HSPA9: variants seen among roughly 807,000 people sequenced by gnomAD.
HSPA9 encodes heat shock protein family A (Hsp70) member 9, also known as stress-70 protein, mitochondrial.
HSPA9 carries 28 observed loss-of-function variants against 81.5 expected under a neutral mutation model. The ratio of observed to expected loss-of-function variants is 0.34; its 90% CI spans 0.25 to 0.47. HSPA9 has a LOEUF of 0.47. HSPA9 is among the 20% of genes least tolerant of loss of function. HSPA9 has a pLI of 1.00. For synonymous variants in HSPA9, 293 were observed against 290.4 expected, an observed-to-expected ratio of 1.01 and a Z score of -0.09; for missense variants, 678 against 838.0, an observed-to-expected ratio of 0.81 and a Z score of 2.36.
chr5:138,557,084 T>C, intron 14 of HSPA9: 4 of 616,162 alleles, frequency 6.5e-6, no homozygotes, highest in Non-Finnish European at 1.1e-5. Flanking sequence ...ACAGAAGAAA[T>C]AATAAAGGCA....
intron 14 of HSPA9, 141 bp from the exon 15 acceptor site, chr5:138,557,007 AG>A (rs1750542209): frequency 1.4e-6 from 1 of 718,086 alleles, no homozygotes; most frequent in South Asian, 1.5e-5. Context: ...GTGGCATGAA[AG>A]AGTCTGGGAT....
In HSPA9 at chr5:138,574,970, A is replaced by G. The variant is rs2127164187; in HGVS notation, c.81+268T>C. 3 of 570,486 alleles carry G rather than the reference A, an allele frequency of 5.3e-6. No individual in the cohort carries two copies. In the East Asian group the frequency reaches 8.8e-5, roughly 17 times the overall value. The allele number at this position is 570,486 out of a possible 1,614,324, so 35.3% of individuals were successfully genotyped here. ...AGGCCAAACCTTTCCATTCAGCCAC[A>G]GAACAGGCCATGAGGACCACTACCT... is the stretch of plus-strand genomic sequence containing the variant. On this transcript the variant is annotated intron_variant, in intron 1 of 16. Transcript: ENST00000297185.
chr5:138,557,119 G>A (rs546371390), intron 14 of HSPA9: 12 of 600,992 alleles, frequency 2.0e-5, no homozygotes, highest in South Asian at 4.0e-5. Context: ...TATAAACAAC[G>A]GGGAAGGAAG....
intron 3 of HSPA9, 152 bp downstream of exon 3, chr5:138,573,611 C>A: frequency 1.6e-6 from 1 of 608,764 alleles, no homozygotes; most frequent in Non-Finnish European, 2.9e-6. Context: ...CGTGCCACTG[C>A]ACTCCACCAT....
intron 14 of HSPA9, 140 bp from the exon 15 acceptor site, chr5:138,557,006 AAG>A (rs1750542162): frequency 2.8e-6 from 2 of 722,842 alleles, no homozygotes; most frequent in South Asian, 1.5e-5. Flanking sequence ...AGTGGCATGA[AAG>A]AGTCTGGGAT....
chr5:138,560,912 T>C, intron 10 of HSPA9: 1 of 404,096 alleles, frequency 2.5e-6, no homozygotes, highest in South Asian at 1.8e-5. Context: ...AGGTTCATTT[T>C]TTTTTTTTTT....
chr5:138,569,386 T>C (rs1442125012), intron 4 of HSPA9, among the ~76,000 whole-genome samples: 1 of 152,210 alleles, frequency 6.6e-6, no homozygotes, highest in African/African-American at 2.4e-5. Context: ...GCAATTCTAC[T>C]CTCTAAGACA....
At position 138,556,938 on chromosome 5, in the gene HSPA9, A is replaced by G; in HGVS notation, c.1729-72T>C. The G allele has an allele frequency of 5.0e-6, 5 of 1,000,610 alleles. No homozygotes were observed. The East Asian group carries it at 1.2e-4, about 24-fold the overall frequency. The allele number at this position is 1,000,610 out of a possible 1,614,324, so 62.0% of individuals were successfully genotyped here. On this transcript the variant is annotated intron_variant, in intron 14 of 16. Coordinates refer to ENST00000297185, the MANE Select transcript of HSPA9 (RefSeq NM_004134.7). ...GTTTGCTGAATGTCTATACTCAGAC[A>G]ATAAGCTATGTGTTACATACAGTTA...
At chr5:138,573,974 AAAT>A in intron 2 of HSPA9, 91 bp downstream of exon 2, 1 of 1,244,812 alleles carries the variant, frequency 8.0e-7, no homozygotes, top group Non-Finnish European at 1.2e-6. Flanking sequence ...AAATACAGAT[AAAT>A]AATTACAGAG....
intron 9 of HSPA9, among the ~76,000 whole-genome samples, chr5:138,565,382 A>G (rs1025619118): frequency 2.0e-5 from 3 of 152,204 alleles, no homozygotes; most frequent in African/African-American, 7.2e-5. Flanking sequence ...ACTTAAAAAA[A>G]AAAATCCAGG....
At chr5:138,568,318 A>T (rs1750809721) in intron 5 of HSPA9, among the ~76,000 whole-genome samples, 1 of 151,856 alleles carries the variant, frequency 6.6e-6, no homozygotes, top group African/African-American at 2.4e-5. Context: ...GACCAACATG[A>T]AGAAACCCCC....
At chr5:138,574,415 G>C (rs555291755) in intron 1 of HSPA9, among the ~76,000 whole-genome samples, 8 of 152,290 alleles carry the variant, frequency 5.3e-5, no homozygotes, top group Admixed American at 5.2e-4. Flanking sequence ...CGACACCCTA[G>C]AAACCAATAA....
intron 11 of HSPA9, 61 bp downstream of exon 11, chr5:138,559,803 C>G (rs1452270454): frequency 9.0e-7 from 1 of 1,107,240 alleles, no homozygotes. Context: ...AAAGTGGCTG[C>G]AATTACATCC....
intron 5 of HSPA9, 36 bp from the exon 6 acceptor site, chr5:138,567,758 C>T (rs1211449335): frequency 6.8e-7 from 1 of 1,473,180 alleles, no homozygotes; most frequent in Admixed American, 1.7e-5. Flanking sequence ...GGAATTCTGT[C>T]AGAACAGAAT....
chr5:138,575,246 G>T lies in HSPA9; in HGVS notation c.73C>A (p.Arg25Ser). 2 of 1,602,830 alleles carry T rather than the reference G, an allele frequency of 1.2e-6. No homozygotes were observed. Among genetic ancestry groups the T allele is most frequent in the Non-Finnish European group, 1.7e-6 (2 of 1,175,664 alleles). The change falls in exon 1 of 17, where the codon CGC becomes AGC. Residue 25 changes from arginine (R) to serine (S), a missense_variant. This residue lies in a region of HSPA9 where 89 missense variants were observed against 70.4 expected (regional missense o/e 1.27). Transcript: ENST00000297185. ...AAASRGPTAA[R>S]HQDSWNGLSH... ...AGGTCCCAGTTCCTCACCTGGTGGC[G>T]GGCGGCCGTAGGGCCCCGGGAGGCT...
rs766173027 is a variant in HSPA9 at position 138,566,618 on chromosome 5, T to C, written c.972+8A>G. On this transcript the variant is annotated splice_region_variant and intron_variant, in intron 9 of 16. Coordinates refer to ENST00000297185, the MANE Select transcript of HSPA9 (RefSeq NM_004134.7). ...CCATCAAGACTGCTCGAATTTTCCG[T>C]GTCTCACCTGCACAGATGAGGAGAG... 3 of 1,593,796 alleles carry C rather than the reference T, an allele frequency of 1.9e-6. No homozygotes were observed. The highest frequency in any genetic ancestry group is 1.7e-6 in the Non-Finnish European group (2 of 1,161,792).
At chr5:138,571,261 A>G in intron 3 of HSPA9, 120 bp from the exon 4 acceptor site, 1 of 955,750 alleles carries the variant, frequency 1.0e-6, no homozygotes, top group South Asian at 1.4e-5. Context: ...GCTCACTGCA[A>G]CCTCCGCATC....
intron 5 of HSPA9, among the ~76,000 whole-genome samples, chr5:138,568,055 C>T (rs1250060313): frequency 6.6e-6 from 1 of 152,146 alleles, no homozygotes; most frequent in African/African-American, 2.4e-5. Context: ...CATGGTGGCG[C>T]ATGCCTGTCA....
At chr5:138,564,891 AG>A (rs753229806) in intron 9 of HSPA9, among the ~76,000 whole-genome samples, 4 of 152,328 alleles carry the variant, frequency 2.6e-5, no homozygotes, top group Non-Finnish European at 5.9e-5. Context: ...AAGCAATACA[AG>A]GGGGACTTGA....
Sources: gnomAD v4.1 joint callset for allele counts (sites outside exome capture counted in the v4.1 genomes callset) on GRCh38, gnomAD v4.1.1 for gene constraint, gnomAD v4.1.1 regional missense constraint, MANE v1.5 for transcripts, NCBI Gene and HGNC (gene_info 2026-07-23, HGNC 2026-07-21) for gene names.